ZNF253: variants seen among roughly 807,000 people sequenced by gnomAD.
ZNF253 encodes the protein DNA-binding protein.
A neutral mutation model predicts 11.9 loss-of-function variants in ZNF253; 8 were observed. That is an observed-to-expected ratio of 0.67 (90% CI 0.40 to 1.22). The LOEUF (loss-of-function observed/expected upper bound fraction) is 1.22. Among genes scored for constraint, ZNF253 ranks in the 50% most tolerant of loss-of-function variants. The pLI, the probability that ZNF253 is intolerant of heterozygous loss-of-function variation, is 0.01. For missense variants in ZNF253, 485 were observed against 586.9 expected (o/e 0.83, Z 1.79); for synonymous variants, 194 against 194.9 (o/e 1.00, Z 0.04).
chr19:19,878,464 G>A lies in ZNF253; in HGVS notation c.4-17G>A, dbSNP rs1599553302. On this transcript the variant is annotated splice_polypyrimidine_tract_variant and intron_variant, in intron 1 of 3. Transcript: ENST00000589717. Reference sequence around the variant, plus strand: ...CTCATGCCATTTAGTAATTATGTGTGTGTGTGTGTTTTCCAGGGACCATTG... The same window carrying A: ...CTCATGCCATTTAGTAATTATGTGTATGTGTGTGTTTTCCAGGGACCATTG... 1 of 1,613,626 alleles carries A rather than the reference G, an allele frequency of 6.2e-7. No homozygotes were observed. The highest frequency in any genetic ancestry group is 1.1e-5 in the South Asian group (1 of 91,068).
chr19:19,881,940 A>C (rs1317153040), intron 3 of ZNF253, among the ~76,000 whole-genome samples: 3 of 151,844 alleles, frequency 2.0e-5, no homozygotes, highest in Non-Finnish European at 4.4e-5. Flanking sequence ...TGTAATCCCA[A>C]CATGTTGAAA....
chr19:19,884,794 C>T (rs1481996513), intron 3 of ZNF253, among the ~76,000 whole-genome samples: 2 of 152,072 alleles, frequency 1.3e-5, no homozygotes, highest in Non-Finnish European at 2.9e-5. Context: ...GCATCATCAA[C>T]AGATTTGGTG....
rs192833233 is a variant in ZNF253, at chr19:19,881,907, G to A, written c.226+1761G>A. ...AGTGCTACATTAAAATAGAAGCATC[G>A]GCTGGGCTCCCTGGCTCACACCTGT... On this transcript the variant is annotated intron_variant, in intron 3 of 3. Coordinates refer to ENST00000589717, the MANE Select transcript of ZNF253 (RefSeq NM_021047.3). Among the ~76,000 whole-genome samples the A allele has an allele frequency of 4.6e-5, 7 of 151,554 alleles. No individual in the cohort carries two copies. The East Asian group carries it at 9.8e-4, about 21-fold the overall frequency.
chr19:19,884,989 AGTTTT>A (rs2063192681), intron 3 of ZNF253, among the ~76,000 whole-genome samples: 1 of 152,128 alleles, frequency 6.6e-6, no homozygotes. Context: ...ATTTACTGTT[AGTTTT>A]AAGAGTCATT....
At chr19:19,887,769 ATTTTTT>A (rs3062903) in intron 3 of ZNF253, among the ~76,000 whole-genome samples, 2 of 124,374 alleles carry the variant, frequency 1.6e-5, no homozygotes, top group East Asian at 2.4e-4. Context: ...TTGATTTTTA[ATTTTTT>A]TTTTTTTTTT....
In ZNF253 at chr19:19,891,769, T is replaced by C. The variant is rs777556872; in HGVS notation, c.522T>C (p.Cys174=). Residue 174 remains cysteine, a synonymous_variant, in exon 4 of 4, where the codon TGT becomes TGC. Coordinates refer to ENST00000589717, the MANE Select transcript of ZNF253 (RefSeq NM_021047.3). The part of the protein sequence containing the change: ...TRHTGINLFK[C]IICGKAFKRS... ...ATACTGGAATAAATCTTTTCAAATG[T>C]ATAATATGTGGCAAAGCTTTTAAAC... 3 of 1,614,008 alleles carry C rather than the reference T, an allele frequency of 1.9e-6. No individual in the cohort carries two copies. In the African/African-American group the frequency reaches 4.0e-5, roughly 22 times the overall value.
intron 3 of ZNF253, among the ~76,000 whole-genome samples, chr19:19,881,987 G>A (rs2063179850): frequency 1.3e-5 from 2 of 151,970 alleles, no homozygotes; most frequent in Admixed American, 6.6e-5. Flanking sequence ...TCAGGAGTTC[G>A]AGACAAGCCT....
intron 3 of ZNF253, among the ~76,000 whole-genome samples, chr19:19,886,052 G>T (rs554913279): frequency 6.6e-6 from 1 of 152,144 alleles, no homozygotes; most frequent in Non-Finnish European, 1.5e-5. Context: ...GAGTGCAGTA[G>T]CATAATTTTG....
chr19:19,874,003 G>A (rs531219016), intron 1 of ZNF253, among the ~76,000 whole-genome samples: 1 of 152,114 alleles, frequency 6.6e-6, no homozygotes, highest in Middle Eastern at 3.4e-3. Flanking sequence ...CGGCCTCCCG[G>A]GTTCAAGTGA....
intron 1 of ZNF253, among the ~76,000 whole-genome samples, chr19:19,872,580 TTATTATA>T (rs2063138740): frequency 9.2e-6 from 1 of 108,408 alleles, no homozygotes; most frequent in East Asian, 2.7e-4. Flanking sequence ...TATATATATA[TTATTATA>T]TATATATATA....
intron 3 of ZNF253, among the ~76,000 whole-genome samples, chr19:19,880,918 T>C (rs1345341775): frequency 2.0e-5 from 3 of 152,130 alleles, no homozygotes; most frequent in East Asian, 1.9e-4. Flanking sequence ...TTTATTTCTA[T>C]AAAGTCTTCA....
chr19:19,868,140 G>T (rs1028713488), intron 1 of ZNF253, among the ~76,000 whole-genome samples: 4 of 151,564 alleles, frequency 2.6e-5, no homozygotes, highest in African/African-American at 9.7e-5. Flanking sequence ...TTATTCTGTA[G>T]GTTGTCTGTT....
At chr19:19,889,430 T>TA (rs1014352968) in intron 3 of ZNF253, among the ~76,000 whole-genome samples, 31 of 152,146 alleles carry the variant, frequency 2.0e-4, no homozygotes, top group Admixed American at 8.5e-4. Context: ...CACTGTAACC[T>TA]ACCCCTCCCA....
In ZNF253 at chr19:19,893,688, A is replaced by G. The variant is rs1420138506; in HGVS notation, c.*941A>G. 1 of 152,266 alleles carries G rather than the reference A, an allele frequency of 6.6e-6. No individual in the cohort carries two copies. Among genetic ancestry groups the G allele is most frequent in the African/African-American group, 2.4e-5 (1 of 41,474 alleles). The allele number at this position is 152,266 out of a possible 1,614,324, so 9.4% of individuals were successfully genotyped here. A position where few individuals can be genotyped will look rare whatever the true frequency, so the allele number is the denominator to read the frequency against. ...CATCTTACTGAACAGAAGAAGGTTC[A>G]TAGTTAATAAAGCATTAAAAGTGCA... On this transcript the variant is annotated 3_prime_UTR_variant, in exon 4 of 4. Transcript: ENST00000589717.
intron 1 of ZNF253, among the ~76,000 whole-genome samples, chr19:19,869,597 G>A (rs2063124337): frequency 6.6e-6 from 1 of 150,462 alleles, no homozygotes; most frequent in African/African-American, 2.5e-5. Context: ...CTGACCTCAG[G>A]TGATCTGCCT....
chr19:19,879,491 C>T (rs2063168421), intron 2 of ZNF253, among the ~76,000 whole-genome samples: 1 of 119,390 alleles, frequency 8.4e-6, no homozygotes. Flanking sequence ...AAAGACAAAG[C>T]AAAGCATCAA....
At chr19:19,877,911 G>C (rs2063162030) in intron 1 of ZNF253, among the ~76,000 whole-genome samples, 1 of 151,942 alleles carries the variant, frequency 6.6e-6, no homozygotes, top group Non-Finnish European at 1.5e-5. Flanking sequence ...GGAAAATGAA[G>C]GCTCTTATCT....
rs1278579155 is a variant in ZNF253, at chr19:19,894,372, G to C, written c.*1625G>C. ...TTGTTGCTGCATTAGAGATATTAGA[G>C]ATTGTTTTTTATTAGTTGGGCATTA... On this transcript the variant is annotated 3_prime_UTR_variant, in exon 4 of 4. Transcript: ENST00000589717. The C allele has an allele frequency of 6.6e-6, 1 of 152,180 alleles. No homozygotes were observed. Among genetic ancestry groups the C allele is most frequent in the Non-Finnish European group, 1.5e-5 (1 of 68,026 alleles). 9.4% of individuals were successfully genotyped at this position (152,180 alleles called of 1,614,324 possible).
intron 1 of ZNF253, among the ~76,000 whole-genome samples, chr19:19,874,002 G>A (rs1599551078): frequency 6.6e-6 from 1 of 152,064 alleles, no homozygotes; most frequent in South Asian, 2.1e-4. Context: ...TCGGCCTCCC[G>A]GGTTCAAGTG....
Sources: gnomAD v4.1 joint callset for allele counts (sites outside exome capture counted in the v4.1 genomes callset) on GRCh38, gnomAD v4.1.1 for gene constraint, MANE v1.5 for transcripts, NCBI Gene and HGNC (gene_info 2026-07-23, HGNC 2026-07-21) for gene names.